The following ASGR2 variants were observed in gnomAD, a reference collection of about 807,000 sequenced individuals.
ASGR2 encodes the protein asialoglycoprotein receptor 2.
In ASGR2, 34 loss-of-function variants were observed where a neutral mutation model predicts 32.3. The observed-to-expected ratio is 1.05, with a 90% CI of 0.80 to 1.40. The LOEUF (loss-of-function observed/expected upper bound fraction) is 1.40. Ranked by LOEUF, ASGR2 falls within the 40% of genes most tolerant of loss-of-function variation. The pLI is 0.00. For synonymous variants in ASGR2, 143 were observed against 150.0 expected, an observed-to-expected ratio of 0.95 and a Z score of 0.34; for missense variants, 385 against 386.4, an observed-to-expected ratio of 1.00 and a Z score of 0.03.
chr17:7,106,247 A>G (rs578198890), intron 7 of ASGR2, among the ~76,000 whole-genome samples: 2 of 152,356 alleles, frequency 1.3e-5, no homozygotes, highest in African/African-American at 4.8e-5. Flanking sequence ...AAGCAAATGC[A>G]AGTGACAAAA....
At chr17:7,106,466 T>G (rs1489933435) in intron 7 of ASGR2, among the ~76,000 whole-genome samples, 1 of 152,200 alleles carries the variant, frequency 6.6e-6, no homozygotes, top group Admixed American at 6.5e-5. Context: ...TGATGAAATG[T>G]TGGCAAGTTC....
intron 7 of ASGR2, among the ~76,000 whole-genome samples, chr17:7,105,415 C>A (rs1056234808): frequency 2.0e-5 from 3 of 152,170 alleles, no homozygotes; most frequent in African/African-American, 4.8e-5. Context: ...GTGGCTCAGA[C>A]ACCTGTAATC....
Position 7,108,792 on chromosome 17 carries a change from A to T in ASGR2, c.221T>A (p.Ile74Asn). 6.2e-7 allele frequency: 1 copy of T among 1,614,006 alleles called. No homozygotes were observed. Among genetic ancestry groups the T allele is most frequent in the Non-Finnish European group, 8.5e-7 (1 of 1,179,992 alleles). ...LSFNILLLVVICVTGSQSAQL... is the reference protein window; with the variant it reads ...LSFNILLLVVNCVTGSQSAQL... ...CTCACTTTGGGACCCAGTCACACAGATGACCACCAGCAGCAGGATGTTGAA... is the reference window on the plus strand; with the variant it reads ...CTCACTTTGGGACCCAGTCACACAGTTGACCACCAGCAGCAGGATGTTGAA... Residue 74 changes from isoleucine to asparagine, a missense_variant, in exon 3 of 9, where the codon ATC (isoleucine) becomes AAC (asparagine). Transcript: ENST00000691900. This position sits in a 1 kb window ranked among gnomAD's most constrained non-coding sequence, Gnocchi z 4.9.
In ASGR2 at chr17:7,108,340, G is replaced by A; in HGVS notation, c.337+122C>T. The A allele has an allele frequency of 9.9e-7, 1 of 1,013,826 alleles. No homozygotes were observed. The highest frequency in any genetic ancestry group is 1.4e-6 in the Non-Finnish European group (1 of 694,224). 62.8% of individuals were successfully genotyped at this position (1,013,826 alleles called of 1,614,324 possible). On this transcript the variant is annotated intron_variant, in intron 4 of 8. Coordinates refer to ENST00000691900, the MANE Select transcript of ASGR2 (RefSeq NM_001201352.2). This position sits in a 1 kb window ranked among gnomAD's most constrained non-coding sequence, Gnocchi z 4.9. Reference sequence around the variant, plus strand: ...GCCTCCCTCCTATACATCCCCCAGGGCCCCTGGACGCCTTGCCCAGCCTGC... The same window carrying A: ...GCCTCCCTCCTATACATCCCCCAGGACCCCTGGACGCCTTGCCCAGCCTGC...
intron 2 of ASGR2, among the ~76,000 whole-genome samples, chr17:7,110,968 T>C (rs1296818699): frequency 6.6e-6 from 1 of 152,194 alleles, no homozygotes; most frequent in South Asian, 2.1e-4. Flanking sequence ...GTTGAGGAGA[T>C]GGAGCTGAGA....
rs753074617 is a variant in ASGR2 at position 7,101,607 on chromosome 17, T to A, written c.889A>T (p.Lys297Ter). The A allele has an allele frequency of 3.1e-6, 5 of 1,614,198 alleles. No homozygotes were observed. The East Asian group carries it at 1.1e-4, about 36-fold the overall frequency. ...CLQVYRWVCE[K>*]RRNATGEVA ...ACCTCGCCGGTGGCATTCCGCCTTT[T>A]CTCACACACCCAGCGGTACACCTGC... Residue 297 changes from lysine to a stop codon, truncating the protein, a stop_gained, in exon 9 of 9, where the codon AAA becomes TAA. Coordinates refer to ENST00000691900, the MANE Select transcript of ASGR2 (RefSeq NM_001201352.2). LOFTEE classifies it low-confidence loss of function (END_TRUNC).
chr17:7,112,755 G>T (rs1914877625), intron 2 of ASGR2, among the ~76,000 whole-genome samples: 1 of 151,912 alleles, frequency 6.6e-6, no homozygotes, highest in African/African-American at 2.4e-5. Context: ...CCCTCCCTCG[G>T]TTGGCCAGCC....
Position 7,107,497 on chromosome 17 carries a change from G to C in ASGR2, c.410-180C>G. 1 of 675,520 alleles carries C rather than the reference G, an allele frequency of 1.5e-6. No homozygotes were observed. Among genetic ancestry groups the C allele is most frequent in the South Asian group, 1.8e-5 (1 of 55,990 alleles). 41.8% of individuals were successfully genotyped at this position (675,520 alleles called of 1,614,324 possible). On this transcript the variant is annotated intron_variant, in intron 5 of 8. Coordinates refer to ENST00000691900, the MANE Select transcript of ASGR2 (RefSeq NM_001201352.2). This position sits in a 1 kb window ranked among gnomAD's most constrained non-coding sequence, Gnocchi z 5.0. Reference sequence around the variant, plus strand: ...CCACACATAGACCACACCACACACAGATCCATCACACACACACAAACACAC... The same window carrying C: ...CCACACATAGACCACACCACACACACATCCATCACACACACACAAACACAC...
In ASGR2 at chr17:7,114,013, C is replaced by T. The variant is rs1915146794; in HGVS notation, c.124+104G>A. 1 of 1,530,280 alleles carries T rather than the reference C, an allele frequency of 6.5e-7. No homozygotes were observed. Among genetic ancestry groups the T allele is most frequent in the African/African-American group, 1.4e-5 (1 of 73,630 alleles). The allele number at this position is 1,530,280 out of a possible 1,614,324, so 94.8% of individuals were successfully genotyped here. On this transcript the variant is annotated intron_variant, in intron 2 of 8. Transcript: ENST00000691900. This position sits in a 1 kb window ranked among gnomAD's most constrained non-coding sequence, Gnocchi z 4.5. ...GAACAAGCGGGGGTGTCGGGCCCTC[C>T]TCAGTCCCTGTTCACAGAGTGGGTG...
rs1420403201 is a variant in ASGR2 at position 7,102,216 on chromosome 17, G to A, written c.649-20C>T. ...GAATTTCTGGAAACACAGGCAAACA[G>A]GAAATTTCTAGTCTCTTGTGCCTTT... On this transcript the variant is annotated intron_variant, in intron 7 of 8. Transcript: ENST00000691900. The A allele has an allele frequency of 2.5e-6, 4 of 1,598,884 alleles. No individual in the cohort carries two copies. The African/African-American group carries it at 5.4e-5, about 21-fold the overall frequency.
In ASGR2 at chr17:7,107,420, A is replaced by T. The variant is rs888316724; in HGVS notation, c.410-103T>A. ...ATATACACCCACAGACACGTACACC[A>T]TGCATAGACCACACCACACACCATA... On this transcript the variant is annotated intron_variant, in intron 5 of 8. Coordinates refer to ENST00000691900, the MANE Select transcript of ASGR2 (RefSeq NM_001201352.2). The surrounding 1 kb of genome is among the most constrained non-coding windows in gnomAD (Gnocchi z 5.0). The T allele has an allele frequency of 3.4e-6, 4 of 1,186,734 alleles. No individual in the cohort carries two copies. Among genetic ancestry groups the T allele is most frequent in the Non-Finnish European group, 4.8e-6 (4 of 827,620 alleles). The allele number at this position is 1,186,734 out of a possible 1,614,324, so 73.5% of individuals were successfully genotyped here.
In ASGR2 at chr17:7,111,392, C is replaced by T. The variant is rs190218131; in HGVS notation, c.125-2504G>A. Among the ~76,000 whole-genome samples the T allele has an allele frequency of 3.7e-3, 559 of 152,310 alleles. 1 individual carries two copies. Among genetic ancestry groups the T allele is most frequent in the African/African-American group, 0.011 (462 of 41,566 alleles). On this transcript the variant is annotated intron_variant, in intron 2 of 8. Coordinates refer to ENST00000691900, the MANE Select transcript of ASGR2 (RefSeq NM_001201352.2). ...AACACACTGGCCAGGCGCCGTGGCT[C>T]ACGCCTGGAATCCCAGCACTGTGGG...
In ASGR2 at chr17:7,108,740, T is replaced by A; in HGVS notation, c.241+32A>T. On this transcript the variant is annotated intron_variant, in intron 3 of 8. Transcript: ENST00000691900. This position sits in a 1 kb window ranked among gnomAD's most constrained non-coding sequence, Gnocchi z 4.9. ...TGCCCATGTCTCTTTCCCTACCCCT[T>A]GCCCATCCCTGCTGGCCCCCGTGAC... The A allele has an allele frequency of 6.2e-7, 1 of 1,613,960 alleles. No homozygotes were observed. Among genetic ancestry groups the A allele is most frequent in the South Asian group, 1.1e-5 (1 of 91,070 alleles).
rs79270820 is a variant in ASGR2, at chr17:7,113,743, TACACACAC to T, written c.124+366_124+373del. Among the ~76,000 whole-genome samples the T allele has an allele frequency of 6.0e-5, 9 of 151,232 alleles. No homozygotes were observed. The highest frequency in any genetic ancestry group is 1.7e-4 in the African/African-American group (7 of 41,196). On this transcript the variant is annotated intron_variant, in intron 2 of 8. Coordinates refer to ENST00000691900, the MANE Select transcript of ASGR2 (RefSeq NM_001201352.2). The surrounding 1 kb of genome is among the most constrained non-coding windows in gnomAD (Gnocchi z 5.1). ...AACATACCCTCTCACATACACGACA[TACACACAC>T]ACAACATATGCACGCTCTCGCGCAC...
Position 7,114,095 on chromosome 17 carries a change from G to T in ASGR2, c.124+22C>A. On this transcript the variant is annotated intron_variant, in intron 2 of 8. Transcript: ENST00000691900. The surrounding 1 kb of genome is among the most constrained non-coding windows in gnomAD (Gnocchi z 4.5). ...TGAGCTGAGACAGAGGGGGAGCAAA[G>T]CCGCAGAAACTGCACACTTGCCTTT... 6.2e-7 allele frequency: 1 copy of T among 1,613,854 alleles called. No homozygotes were observed.
At chr17:7,105,509 T>C (rs1227716406) in intron 7 of ASGR2, among the ~76,000 whole-genome samples, 1 of 151,946 alleles carries the variant, frequency 6.6e-6, no homozygotes, top group Non-Finnish European at 1.5e-5. Flanking sequence ...ACAACACCAT[T>C]TCTACTAAAA....
At position 7,108,856 on chromosome 17, in the gene ASGR2, G is replaced by C; in HGVS notation, c.157C>G (p.Leu53Val). ...PPPAQPLAQR[L>V]CSMVCFSLLA... ...AGACTGAAGCAGACCATGGAGCAGA[G>C]ACGCTGTGCCAGGGGCTGGGCAGGA... The change falls in exon 3 of 9, where the codon CTC becomes GTC. Residue 53 changes from leucine (L) to valine (V), a missense_variant. Physicochemically the swap from Leu to Val is conservative, Grantham distance 32 (BLOSUM62 1). Coordinates refer to ENST00000691900, the MANE Select transcript of ASGR2 (RefSeq NM_001201352.2). This position sits in a 1 kb window ranked among gnomAD's most constrained non-coding sequence, Gnocchi z 4.9. 6.2e-7 allele frequency: 1 copy of C among 1,606,478 alleles called. No homozygotes were observed. The highest frequency in any genetic ancestry group is 1.1e-5 in the South Asian group (1 of 89,878).
At chr17:7,103,643 A>G (rs535753481) in intron 7 of ASGR2, among the ~76,000 whole-genome samples, 2 of 152,254 alleles carry the variant, frequency 1.3e-5, no homozygotes, top group Non-Finnish European at 2.9e-5. Flanking sequence ...GAAAATCATC[A>G]TGGAACTTAT....
chr17:7,114,909 G>T (rs1419916264), upstream of ASGR2: 2 of 984,998 alleles, frequency 2.0e-6, no homozygotes, highest in Non-Finnish European at 1.2e-6. The surrounding 1 kb of genome is among the most constrained non-coding windows in gnomAD (Gnocchi z 4.5). Flanking sequence ...CAGAGAGGGG[G>T]GTCCCCTGGG....
Sources: gnomAD v4.1 joint callset for allele counts (sites outside exome capture counted in the v4.1 genomes callset) on GRCh38, gnomAD v4.1.1 for gene constraint, Gnocchi (gnomAD v3.1) non-coding constraint, MANE v1.5 for transcripts, NCBI Gene and HGNC (gene_info 2026-07-23, HGNC 2026-07-21) for gene names.